The following COL4A2 variants were observed in gnomAD, a reference collection of about 807,000 sequenced individuals.
The protein encoded by COL4A2 is collagen alpha-2(IV) chain.
A neutral mutation model predicts 200.2 loss-of-function variants in COL4A2; 99 were observed. That is an observed-to-expected ratio of 0.49 (90% CI 0.42 to 0.58). The LOEUF is 0.58. Ranked by LOEUF, COL4A2 falls within the 20% of genes least tolerant of loss-of-function variation. COL4A2 has a pLI of 0.00. For missense variants in COL4A2, 1,950 were observed against 2,314.1 expected, an observed-to-expected ratio of 0.84 and a Z score of 3.23; for synonymous variants, 897 against 900.6, an observed-to-expected ratio of 1.00 and a Z score of 0.07.
At chr13:110,468,279 C>G (rs1882328748) in intron 27 of COL4A2, 1 of 471,736 alleles carries the variant, frequency 2.1e-6, no homozygotes, top group South Asian at 1.5e-5. Flanking sequence ...CTTCTGAGAA[C>G]TGAGCTTGTA....
intron 34 of COL4A2, among the ~76,000 whole-genome samples, chr13:110,487,129 CTGTG>C (rs1447895786): frequency 6.6e-6 from 1 of 152,220 alleles, no homozygotes; most frequent in African/African-American, 2.4e-5. Flanking sequence ...TCTAGCCAGT[CTGTG>C]TGTGCTATTC....
Position 110,462,178 on chromosome 13 carries a change from CA to C in COL4A2, c.1663del (p.Thr555ProfsTer16), listed in dbSNP as rs1566547508. On this transcript the variant is annotated frameshift_variant, in exon 23 of 48. Transcript: ENST00000360467. LOFTEE classifies it high-confidence loss of function. The stretch of plus-strand genomic sequence containing the variant: ...GCAAAAGGAGATTCCAGAACAATCA[CA>C]ACCAAAGGTGAGTTCCTCTCTGGCC... The part of the protein sequence containing the change: ...KGAKGDSRTI[T>X]TKGERGQPGV... 2 of 1,614,138 alleles carry C rather than the reference CA, an allele frequency of 1.2e-6. No individual in the cohort carries two copies. Among genetic ancestry groups the C allele is most frequent in the Admixed American group, 3.3e-5 (2 of 60,012 alleles).
At chr13:110,326,174 T>TTCA (rs556753196) in intron 3 of COL4A2, among the ~76,000 whole-genome samples, 3 of 152,208 alleles carry the variant, frequency 2.0e-5, no homozygotes, top group Non-Finnish European at 4.4e-5. Context: ...GGAGTTCAAA[T>TTCA]TCATCTCCAT....
intron 3 of COL4A2, among the ~76,000 whole-genome samples, chr13:110,308,723 GC>G (rs1349524050): frequency 6.6e-6 from 1 of 152,106 alleles, no homozygotes; most frequent in Non-Finnish European, 1.5e-5. Context: ...GATCCTGTTC[GC>G]CGAGCCTGCC....
At chr13:110,310,323 A>G (rs996407677) in intron 3 of COL4A2, among the ~76,000 whole-genome samples, 8 of 152,222 alleles carry the variant, frequency 5.3e-5, no homozygotes, top group African/African-American at 1.7e-4. Flanking sequence ...TTCAGGTCAG[A>G]CATTCCAGGG....
chr13:110,480,380 C>T lies in COL4A2; in HGVS notation c.2748C>T (p.Pro916=), dbSNP rs371759473. The T allele has an allele frequency of 5.6e-5, 91 of 1,610,812 alleles. No individual in the cohort carries two copies. The highest frequency in any genetic ancestry group is 8.0e-5 in the African/African-American group (6 of 74,862). ...GAATTGATGGAATGCCTGGGACCCC[C>T]GGGCTAAAAGGTAATTGTGTGACTG... ...FKGIDGMPGT[P]GLKGDRGSPG... is the part of the protein sequence containing the mutation. The change falls in exon 31 of 48, where the codon CCC becomes CCT. Residue 916 remains proline (P), a synonymous_variant. Coordinates refer to ENST00000360467, the MANE Select transcript of COL4A2 (RefSeq NM_001846.4).
chr13:110,359,325 T>C (rs951171122), intron 4 of COL4A2, among the ~76,000 whole-genome samples: 20 of 152,376 alleles, frequency 1.3e-4, no homozygotes, highest in African/African-American at 3.6e-4. Context: ...TGTTACTTGG[T>C]TTAAAAGTAT....
intron 3 of COL4A2, among the ~76,000 whole-genome samples, chr13:110,323,770 T>A (rs1161814128): frequency 6.6e-6 from 1 of 152,174 alleles, no homozygotes; most frequent in Admixed American, 6.5e-5. Context: ...GCATCTGCTG[T>A]AGCAGCTGGA....
intron 4 of COL4A2, among the ~76,000 whole-genome samples, chr13:110,380,880 AC>A (rs1878450596): frequency 6.9e-6 from 1 of 144,062 alleles, no homozygotes; most frequent in African/African-American, 2.6e-5. Context: ...TCTGTCTCAC[AC>A]CCACGAGCTC....
Position 110,323,947 on chromosome 13 carries a change from G to C in COL4A2, c.99+15824G>C, listed in dbSNP as rs1885342123. On this transcript the variant is annotated intron_variant, in intron 3 of 47. Coordinates refer to ENST00000360467, the MANE Select transcript of COL4A2 (RefSeq NM_001846.4). ...ATGGCCCTCAAAAATGTGCACCTTG[G>C]GTCAACTGAAGGTTCCTCTCTCATT... Among the ~76,000 whole-genome samples the C allele has an allele frequency of 2.0e-5, 3 of 152,242 alleles. No homozygotes were observed. The South Asian group carries it at 6.2e-4, about 32-fold the overall frequency.
chr13:110,407,689 C>T (rs74652143), intron 4 of COL4A2, among the ~76,000 whole-genome samples: 3,898 of 152,230 alleles, frequency 0.026, 164 homozygotes, highest in African/African-American at 0.089. Flanking sequence ...GGAGGAAGTC[C>T]GATCCAGGAA....
chr13:110,508,126 C>T lies in COL4A2; in HGVS notation c.4786C>T (p.Pro1596Ser), dbSNP rs766164837. The change falls in exon 47 of 48, where the codon CCG (proline) becomes TCG (serine). Residue 1596 changes from proline to serine, a missense_variant. Around this residue, in one of 2 missense-constraint regions of COL4A2, gnomAD observed 1,385 missense variants for 1,720.5 expected, o/e 0.80. Coordinates refer to ENST00000360467, the MANE Select transcript of COL4A2 (RefSeq NM_001846.4). The surrounding 1 kb of genome is among the most constrained non-coding windows in gnomAD (Gnocchi z 6.1). ...CAGCCGCTGTTCTGTGTGTGAGGCC[C>T]CGGCCATCGCCATCGCGGTCCACAG... Reference protein sequence around the residue: ...YISRCSVCEAPAIAIAVHSQD... With the variant: ...YISRCSVCEASAIAIAVHSQD... The T allele has an allele frequency of 1.1e-5, 17 of 1,614,148 alleles. No homozygotes were observed. The highest frequency in any genetic ancestry group is 1.6e-4 in the Middle Eastern group (1 of 6,082).
intron 3 of COL4A2, among the ~76,000 whole-genome samples, chr13:110,330,412 G>T (rs887142146): frequency 1.3e-5 from 2 of 152,134 alleles, no homozygotes; most frequent in East Asian, 1.9e-4. Flanking sequence ...GGAGGCGGGG[G>T]GGCAGCCCCA....
chr13:110,330,564 G>A (rs1875861070), intron 3 of COL4A2, among the ~76,000 whole-genome samples: 1 of 152,114 alleles, frequency 6.6e-6, no homozygotes, highest in African/African-American at 2.4e-5. Context: ...AGTATTTCTG[G>A]GATTCTGTTA....
At chr13:110,445,732 C>T (rs1458076095) in intron 16 of COL4A2, 97 bp from the exon 17 acceptor site, 3 of 1,458,476 alleles carry the variant, frequency 2.1e-6, no homozygotes, top group Non-Finnish European at 2.9e-6. Context: ...CTTTAATAAA[C>T]TGTTGTTCAT....
intron 3 of COL4A2, among the ~76,000 whole-genome samples, chr13:110,313,870 T>C (rs553631389): frequency 6.6e-6 from 1 of 150,876 alleles, no homozygotes; most frequent in African/African-American, 2.4e-5. Flanking sequence ...GGCAGGCTCC[T>C]ACCTCGGTGC....
At chr13:110,315,129 A>T (rs11842567) in intron 3 of COL4A2, among the ~76,000 whole-genome samples, 1 of 151,442 alleles carries the variant, frequency 6.6e-6, no homozygotes, top group South Asian at 2.2e-4. Flanking sequence ...TGCTCTGCAC[A>T]CCCTGTCTGC....
At chr13:110,321,633 C>G (rs987987562) in intron 3 of COL4A2, among the ~76,000 whole-genome samples, 2 of 152,176 alleles carry the variant, frequency 1.3e-5, no homozygotes, top group South Asian at 2.1e-4. Context: ...TTGTATTAGT[C>G]CATGTTCATG....
chr13:110,349,223 G>A (rs140480251), intron 3 of COL4A2, among the ~76,000 whole-genome samples: 1 of 152,122 alleles, frequency 6.6e-6, no homozygotes, highest in East Asian at 1.9e-4. Context: ...TATTTTTTTA[G>A]TGTCCTAAAT....
Sources: allele counts gnomAD v4.1 joint callset (sites outside exome capture counted in the v4.1 genomes callset), GRCh38; gene constraint gnomAD v4.1.1; regional missense constraint gnomAD v4.1.1; non-coding constraint Gnocchi (gnomAD v3.1); transcripts MANE v1.5; gene names NCBI Gene and HGNC (gene_info 2026-07-23, HGNC 2026-07-21).